Variants in CARD8 observed in about 807,000 individuals in gnomAD.
CARD8 encodes caspase recruitment domain-containing protein 8.
CARD8 carries 38 observed loss-of-function variants against 53.2 expected under a neutral mutation model. The observed-to-expected ratio is 0.71, with a 90% CI of 0.55 to 0.94. CARD8 has a LOEUF of 0.94. Ranked by LOEUF, CARD8 falls within the 40% of genes least tolerant of loss-of-function variation. CARD8 has a pLI of 0.00. For missense variants in CARD8, 561 were observed against 655.5 expected (o/e 0.86, Z 1.57); for synonymous variants, 245 against 244.9 (o/e 1.00, Z 0.00).
intron 1 of CARD8, among the ~76,000 whole-genome samples, chr19:48,250,680 A>T (rs1176200224): frequency 6.6e-6 from 1 of 152,218 alleles, no homozygotes; most frequent in Admixed American, 6.5e-5. Context: ...ACTGGTGACT[A>T]GGAATCGATG....
At chr19:48,230,210 A>C (rs968397199) in intron 10 of CARD8, among the ~76,000 whole-genome samples, 4 of 152,186 alleles carry the variant, frequency 2.6e-5, no homozygotes, top group Non-Finnish European at 4.4e-5. Context: ...GAGAGCCAGA[A>C]AAGGGAATTT....
intron 3 of CARD8, among the ~76,000 whole-genome samples, chr19:48,246,183 T>C (rs748161889): frequency 1.7e-4 from 26 of 152,326 alleles, no homozygotes; most frequent in Non-Finnish European, 3.1e-4. Flanking sequence ...TTACAGAATG[T>C]TTATCAATTT....
chr19:48,221,006 GAA>G (rs1491152994), intron 11 of CARD8, among the ~76,000 whole-genome samples: 102 of 88,364 alleles, frequency 1.2e-3, no homozygotes, highest in African/African-American at 2.5e-3. Context: ...AAGAAAGAAA[GAA>G]AAAGAAAGAA....
At chr19:48,242,099 G>A (rs34895147) in intron 3 of CARD8, among the ~76,000 whole-genome samples, 3,578 of 152,288 alleles carry the variant, frequency 0.023, 77 homozygotes, top group Middle Eastern at 0.065. Flanking sequence ...TGGACCGAAT[G>A]TATGTGTCCA....
At chr19:48,243,672 A>G (rs994836301) in intron 3 of CARD8, among the ~76,000 whole-genome samples, 7 of 152,104 alleles carry the variant, frequency 4.6e-5, no homozygotes, top group African/African-American at 1.7e-4. Flanking sequence ...TATTTTACCT[A>G]GTACCATTAT....
chr19:48,242,049 G>A (rs1333005454), intron 3 of CARD8, among the ~76,000 whole-genome samples: 2 of 152,082 alleles, frequency 1.3e-5, no homozygotes, highest in African/African-American at 4.8e-5. Context: ...GTCTCCATAG[G>A]TTGACTCATT....
At chr19:48,216,490 A>G (rs950227316) in intron 12 of CARD8, among the ~76,000 whole-genome samples, 2 of 152,226 alleles carry the variant, frequency 1.3e-5, no homozygotes, top group Non-Finnish European at 2.9e-5. Flanking sequence ...GATGCTACTC[A>G]TGTGGAGATG....
chr19:48,207,735 T>TTTTTTTTTGTTTTG (rs1568595422), downstream of CARD8, among the ~76,000 whole-genome samples: 1 of 74,906 alleles, frequency 1.3e-5, no homozygotes, highest in African/African-American at 6.7e-5. Context: ...TGTTTTTCTG[T>TTTTTTTTTGTTTTG]TTTTTTTTTT....
chr19:48,212,994 A>G (rs1290653159), intron 13 of CARD8: 1 of 152,248 alleles, frequency 6.6e-6, no homozygotes, highest in East Asian at 1.9e-4. Flanking sequence ...GAGTTCGGAA[A>G]CTTACACTGT....
chr19:48,226,292 T>G (rs926721242), intron 10 of CARD8, among the ~76,000 whole-genome samples: 1 of 152,152 alleles, frequency 6.6e-6, no homozygotes, highest in African/African-American at 2.4e-5. Context: ...GGCAAAATCT[T>G]GGCTCACTGC....
At position 48,230,523 on chromosome 19, in the gene CARD8, G is replaced by A. The variant is rs1374794147; in HGVS notation, c.950C>T (p.Ser317Phe). ...SGTRLSIPITSNTLIYYHPHP... is the reference protein window; with the variant it reads ...SGTRLSIPITFNTLIYYHPHP... ...GGGGTGATAATAGATCAATGTGTTG[G>A]AAGTGATGGGGATGGAGAGGCGAGT... The change falls in exon 10 of 14, where the codon TCC (serine) becomes TTC (phenylalanine). Residue 317 changes from serine to phenylalanine, a missense_variant. Ser to Phe is a radical substitution (Grantham distance 155, BLOSUM62 -2). Coordinates refer to ENST00000651546, the MANE Select transcript of CARD8 (RefSeq NM_001184900.3). 1 of 1,614,166 alleles carries A rather than the reference G, an allele frequency of 6.2e-7. No individual in the cohort carries two copies. Among genetic ancestry groups the A allele is most frequent in the Non-Finnish European group, 8.5e-7 (1 of 1,180,028 alleles).
chr19:48,205,373 G>A (rs978834293), downstream of CARD8, among the ~76,000 whole-genome samples: 13 of 151,990 alleles, frequency 8.6e-5, no homozygotes, highest in Admixed American at 5.2e-4. Context: ...GGGATTACAG[G>A]TGCGCACCAC....
At position 48,249,648 on chromosome 19, in the gene CARD8, T is replaced by G. The variant is rs2046686334; in HGVS notation, c.-154-15A>C. ...GCCCTCCTTCTCTATGAACATTATT[T>G]CAAAAGAAGTTGAGAACTAGAGAAA... On this transcript the variant is annotated splice_polypyrimidine_tract_variant and intron_variant, in intron 2 of 13. Transcript: ENST00000651546. 1 of 152,324 alleles carries G rather than the reference T, an allele frequency of 6.6e-6. No individual in the cohort carries two copies. The highest frequency in any genetic ancestry group is 2.1e-4 in the South Asian group (1 of 4,832). The allele number at this position is 152,324 out of a possible 1,614,324, so 9.4% of individuals were successfully genotyped here.
chr19:48,224,107 G>A (rs1186859209), intron 10 of CARD8, among the ~76,000 whole-genome samples: 5 of 152,080 alleles, frequency 3.3e-5, no homozygotes, highest in South Asian at 2.1e-4. Context: ...GATTACAGGC[G>A]CATGCCAGCA....
At chr19:48,242,276 G>A (rs539504096) in intron 3 of CARD8, among the ~76,000 whole-genome samples, 2 of 152,220 alleles carry the variant, frequency 1.3e-5, no homozygotes, top group South Asian at 2.1e-4. Context: ...GTGGGAGGGC[G>A]CAGCAAGAAG....
At chr19:48,248,822 TATA>T (rs1475881959) in intron 3 of CARD8, among the ~76,000 whole-genome samples, 1 of 152,256 alleles carries the variant, frequency 6.6e-6, no homozygotes, top group Non-Finnish European at 1.5e-5. Context: ...ATACATTGAT[TATA>T]ATATCATCAT....
At chr19:48,240,768 C>CAA (rs34345721) in intron 4 of CARD8, among the ~76,000 whole-genome samples, 194 bp downstream of exon 4, 1 of 136,084 alleles carries the variant, frequency 7.3e-6, no homozygotes, top group Non-Finnish European at 1.6e-5. Context: ...GACTCTGTGT[C>CAA]AAAAAAAAAA....
Position 48,216,653 on chromosome 19 carries a change from T to C in CARD8, c.1304-1269A>G, listed in dbSNP as rs896628305. Among the ~76,000 whole-genome samples, 10 of 151,836 alleles carry C rather than the reference T, an allele frequency of 6.6e-5. No individual in the cohort carries two copies. The South Asian group carries it at 1.5e-3, about 22-fold the overall frequency. ...AGCTGATCTTGAACTCTAGACACCA[T>C]TGCAGGGAAAGGAAGGTGATGGGAT... On this transcript the variant is annotated intron_variant, in intron 12 of 13. Transcript: ENST00000651546.
intron 3 of CARD8, among the ~76,000 whole-genome samples, chr19:48,244,876 T>TG (rs35023780): frequency 6.6e-6 from 1 of 150,476 alleles, no homozygotes; most frequent in South Asian, 2.1e-4. Flanking sequence ...CAATCACTCT[T>TG]GGGGGGAAAA....
Sources: allele counts gnomAD v4.1 joint callset (sites outside exome capture counted in the v4.1 genomes callset), GRCh38; gene constraint gnomAD v4.1.1; transcripts MANE v1.5; gene names NCBI Gene and HGNC (gene_info 2026-07-23, HGNC 2026-07-21).